The following ESRP1 variants were observed in gnomAD, a reference collection of about 807,000 sequenced individuals.
ESRP1 encodes RNA-binding motif protein 35A.
In ESRP1, 33 loss-of-function variants were observed where a neutral mutation model predicts 81.7. The ratio of observed to expected loss-of-function variants is 0.40; its 90% CI spans 0.31 to 0.54. ESRP1 has a LOEUF of 0.54. Among genes scored for constraint, ESRP1 ranks in the 20% least tolerant of loss-of-function variants. ESRP1 has a pLI of 0.41. For synonymous variants in ESRP1, 320 were observed against 303.3 expected (o/e 1.06, Z -0.57); for missense variants, 672 against 833.1 (o/e 0.81, Z 2.38).
At chr8:94,705,292 C>T (rs1352959257) in intron 15 of ESRP1, among the ~76,000 whole-genome samples, 1 of 151,468 alleles carries the variant, frequency 6.6e-6, no homozygotes, top group Admixed American at 6.6e-5. Flanking sequence ...CTCAGCCTCC[C>T]ACATAGCTGG....
chr8:94,685,840 C>CT (rs1288963877), intron 13 of ESRP1, among the ~76,000 whole-genome samples: 1 of 151,388 alleles, frequency 6.6e-6, no homozygotes, highest in Non-Finnish European at 1.5e-5. Context: ...GTAGTCAAAG[C>CT]AAAGGAAGAT....
At chr8:94,668,923 G>A (rs975307256) in intron 10 of ESRP1, among the ~76,000 whole-genome samples, 1 of 151,880 alleles carries the variant, frequency 6.6e-6, no homozygotes, top group Admixed American at 6.5e-5. Flanking sequence ...CCTCTGAGTA[G>A]CTGGCATTAC....
At chr8:94,641,859 G>T (rs1817614530) in intron 1 of ESRP1, 97 bp from the exon 2 acceptor site, 1 of 1,544,148 alleles carries the variant, frequency 6.5e-7, no homozygotes, top group Non-Finnish European at 8.7e-7. Flanking sequence ...GACCCCAAGA[G>T]AGGCGCGGGC....
intron 10 of ESRP1, 45 bp from the exon 11 acceptor site, chr8:94,671,408 G>A (rs779365188): frequency 2.6e-6 from 4 of 1,527,392 alleles, no homozygotes; most frequent in Middle Eastern, 2.2e-4. Flanking sequence ...AGAAAGCAGG[G>A]GAGTAGCACA....
chr8:94,676,177 A>G (rs1315285741), intron 12 of ESRP1, among the ~76,000 whole-genome samples: 1 of 152,066 alleles, frequency 6.6e-6, no homozygotes, highest in Admixed American at 6.6e-5. Context: ...AGTGGCCAAC[A>G]TGGTGAAACC....
intron 13 of ESRP1, among the ~76,000 whole-genome samples, chr8:94,684,474 C>T (rs1486264715): frequency 1.3e-5 from 2 of 152,142 alleles, no homozygotes; most frequent in African/African-American, 2.4e-5. Flanking sequence ...AGGTTCCCTA[C>T]ATGAAAACTG....
intron 13 of ESRP1, among the ~76,000 whole-genome samples, chr8:94,685,588 G>A (rs1026948202): frequency 2.6e-5 from 4 of 152,078 alleles, no homozygotes; most frequent in African/African-American, 9.7e-5. Flanking sequence ...AATCACCTGA[G>A]GTTAGGAGTT....
At chr8:94,658,114 G>T (rs992419258) in intron 4 of ESRP1, among the ~76,000 whole-genome samples, 1 of 152,172 alleles carries the variant, frequency 6.6e-6, no homozygotes, top group Non-Finnish European at 1.5e-5. Flanking sequence ...AGTTCACCAT[G>T]TTGGCTAGGC....
chr8:94,695,348 CTT>C (rs1177357708), intron 14 of ESRP1, among the ~76,000 whole-genome samples: 876 of 61,034 alleles, frequency 0.014, 1 homozygote, highest in African/African-American at 0.05. Context: ...CTTTTTCTTT[CTT>C]TTTTTTTTTT....
At chr8:94,655,372 C>T (rs1053301024) in intron 4 of ESRP1, among the ~76,000 whole-genome samples, 2 of 150,336 alleles carry the variant, frequency 1.3e-5, no homozygotes, top group Admixed American at 6.7e-5. Context: ...CAGGGGTGAG[C>T]CACCACACTT....
intron 14 of ESRP1, among the ~76,000 whole-genome samples, 163 bp from the exon 15 acceptor site, chr8:94,696,689 A>G (rs1042000287): frequency 7.2e-5 from 11 of 152,200 alleles, no homozygotes; most frequent in African/African-American, 2.7e-4. Context: ...ATGTTAAGAA[A>G]TAAAGATTTG....
At chr8:94,649,300 G>A (rs1817997905) in intron 4 of ESRP1, among the ~76,000 whole-genome samples, 1 of 152,128 alleles carries the variant, frequency 6.6e-6, no homozygotes, top group South Asian at 2.1e-4. Context: ...TCCTGTCTTG[G>A]CCTCCCAAAA....
intron 9 of ESRP1, among the ~76,000 whole-genome samples, chr8:94,665,446 G>T (rs1438583212): frequency 6.6e-6 from 1 of 152,118 alleles, no homozygotes; most frequent in Admixed American, 6.6e-5. Flanking sequence ...CTATACAAAG[G>T]TGAAAAGGTG....
At chr8:94,700,770 A>G (rs1809791596) in intron 15 of ESRP1, among the ~76,000 whole-genome samples, 1 of 152,026 alleles carries the variant, frequency 6.6e-6, no homozygotes, top group South Asian at 2.1e-4. Context: ...TCTACTAAAA[A>G]TACAAAAAAT....
intron 4 of ESRP1, among the ~76,000 whole-genome samples, chr8:94,660,449 A>G (rs1818663431): frequency 6.6e-6 from 1 of 152,054 alleles, no homozygotes; most frequent in African/African-American, 2.4e-5. Flanking sequence ...TAAAAAATAC[A>G]AAAATGAGGT....
At chr8:94,699,376 C>G (rs528698025) in intron 15 of ESRP1, among the ~76,000 whole-genome samples, 1 of 152,244 alleles carries the variant, frequency 6.6e-6, no homozygotes, top group African/African-American at 2.4e-5. Flanking sequence ...AGCAGTGGCT[C>G]ATGCCTGTAA....
chr8:94,706,044 G>C lies in ESRP1; in HGVS notation c.*155G>C. On this transcript the variant is annotated 3_prime_UTR_variant, in exon 16 of 16. Coordinates refer to ENST00000433389, the MANE Select transcript of ESRP1 (RefSeq NM_017697.4). ...TTTCAGCAAACTTGATTGGACAAAC[G>C]GGCCTGTGCCTTATCTTTTGGTGGA... 8.1e-7 allele frequency: 1 copy of C among 1,227,238 alleles called. No individual in the cohort carries two copies. Among genetic ancestry groups the C allele is most frequent in the Non-Finnish European group, 1.1e-6 (1 of 889,500 alleles). The allele number at this position is 1,227,238 out of a possible 1,614,324, so 76.0% of individuals were successfully genotyped here.
At chr8:94,667,519 A>T (rs941737047) in intron 9 of ESRP1, among the ~76,000 whole-genome samples, 2 of 151,982 alleles carry the variant, frequency 1.3e-5, no homozygotes, top group African/African-American at 2.4e-5. Context: ...TTTTAACCCA[A>T]AGTGCTTTAT....
intron 4 of ESRP1, among the ~76,000 whole-genome samples, chr8:94,659,805 T>C (rs6471454): frequency 0.86 from 131,484 of 152,242 alleles, 56,917 homozygotes; most frequent in East Asian, 0.95. Flanking sequence ...GAGAGGAAAG[T>C]GTAATTTGAA....
Sources: gnomAD v4.1 joint callset for allele counts (sites outside exome capture counted in the v4.1 genomes callset) on GRCh38, gnomAD v4.1.1 for gene constraint, MANE v1.5 for transcripts, NCBI Gene and HGNC (gene_info 2026-07-23, HGNC 2026-07-21) for gene names.